PDE1A: variants seen among roughly 807,000 people sequenced by gnomAD.
PDE1A encodes the protein dual specificity calcium/calmodulin-dependent 3',5'-cyclic nucleotide phosphodiesterase 1A.
Under a neutral mutation model 61.7 loss-of-function variants are expected in PDE1A, and 35 were observed. The ratio of observed to expected loss-of-function variants is 0.57; its 90% CI spans 0.43 to 0.75. The LOEUF (loss-of-function observed/expected upper bound fraction) is 0.75. Among genes scored for constraint, PDE1A ranks in the 30% least tolerant of loss-of-function variants. The probability of loss-of-function intolerance (pLI) is 0.00; values close to 1 mark genes in which losing one functional copy is unlikely to be tolerated. For synonymous variants in PDE1A, 232 were observed against 213.2 expected, an observed-to-expected ratio of 1.09 and a Z score of -0.77; for missense variants, 597 against 630.6, an observed-to-expected ratio of 0.95 and a Z score of 0.57.
chr2:182,259,275 C>T (rs557519791), intron 2 of PDE1A, among the ~76,000 whole-genome samples: 138 of 152,280 alleles, frequency 9.1e-4, no homozygotes, highest in African/African-American at 3.2e-3. Context: ...GGGAAAGGCA[C>T]TCTTTTCCAT....
chr2:182,711,636 T>C, the PDE1A span, among the ~76,000 whole-genome samples: 1 of 151,652 alleles, frequency 6.6e-6, no homozygotes, highest in Non-Finnish European at 1.5e-5. Flanking sequence ...CTTAGAGAAA[T>C]GGCTAGTATA....
intron 1 of PDE1A, among the ~76,000 whole-genome samples, chr2:182,414,958 G>A (rs1486526434): frequency 6.6e-6 from 1 of 152,076 alleles, no homozygotes; most frequent in Non-Finnish European, 1.5e-5. Context: ...TGGTCATTTG[G>A]TACAACTGTT....
intron 1 of PDE1A, among the ~76,000 whole-genome samples, chr2:182,330,750 A>T (rs1466711956): frequency 6.6e-6 from 1 of 152,154 alleles, no homozygotes; most frequent in African/African-American, 2.4e-5. Context: ...AGTCCTCAAA[A>T]TATAAAAAGT....
intron 2 of PDE1A, 55 bp from the exon 3 acceptor site, chr2:182,240,347 T>G: frequency 8.7e-7 from 1 of 1,147,082 alleles, no homozygotes; most frequent in Non-Finnish European, 1.2e-6. Context: ...GAAAAACATA[T>G]AACAGAAAAA....
chr2:182,553,034 C>T, the PDE1A span, among the ~76,000 whole-genome samples: 1 of 152,236 alleles, frequency 6.6e-6, no homozygotes, highest in African/African-American at 2.4e-5. Context: ...TAAAGGCTTG[C>T]CATTGTTCCT....
At chr2:182,384,283 A>G (rs914776239) in intron 1 of PDE1A, among the ~76,000 whole-genome samples, 1 of 152,184 alleles carries the variant, frequency 6.6e-6, no homozygotes, top group Non-Finnish European at 1.5e-5. Flanking sequence ...ATCATCAAAC[A>G]GACAAAATGA....
intron 2 of PDE1A, among the ~76,000 whole-genome samples, chr2:182,255,092 C>T (rs1284235303): frequency 6.6e-6 from 1 of 152,084 alleles, no homozygotes; most frequent in Non-Finnish European, 1.5e-5. Flanking sequence ...AATACTGTCA[C>T]CATCTTGCTA....
intron 1 of PDE1A, among the ~76,000 whole-genome samples, chr2:182,375,222 C>A (rs1008108786): frequency 3.3e-5 from 5 of 152,118 alleles, no homozygotes; most frequent in Non-Finnish European, 7.3e-5. Flanking sequence ...CCAGCAGTAC[C>A]CCAAAGTCCT....
At chr2:182,166,644 T>C (rs1691667244), downstream of PDE1A, among the ~76,000 whole-genome samples, 1 of 152,184 alleles carries the variant, frequency 6.6e-6, no homozygotes, top group Non-Finnish European at 1.5e-5. Flanking sequence ...TTTGCCTTTA[T>C]GACTGCATGA....
At chr2:182,250,520 T>C (rs1018541197) in intron 2 of PDE1A, among the ~76,000 whole-genome samples, 3 of 152,318 alleles carry the variant, frequency 2.0e-5, no homozygotes, top group East Asian at 1.9e-4. Context: ...TTCCAAAAAG[T>C]ATTTAAAATG....
chr2:182,624,403 A>C, the PDE1A span, among the ~76,000 whole-genome samples: 5 of 152,206 alleles, frequency 3.3e-5, no homozygotes, highest in Non-Finnish European at 5.9e-5. Context: ...CTCACATACC[A>C]GTGGATTCAG....
At chr2:182,640,086 G>A in the PDE1A span, among the ~76,000 whole-genome samples, 1 of 152,238 alleles carries the variant, frequency 6.6e-6, no homozygotes, top group Middle Eastern at 3.4e-3. Context: ...AATACTAGAG[G>A]ACAGTAAAGC....
In PDE1A at chr2:182,310,845, A is replaced by C. The variant is rs542713139; in HGVS notation, c.54-46431T>G. 7.2e-5 allele frequency among the ~76,000 whole-genome samples: 11 copies of C among 152,306 alleles called. No individual in the cohort carries two copies. In the South Asian group the frequency reaches 2.3e-3, roughly 32 times the overall value. Reference sequence around the variant, plus strand: ...CTATATCTCCCAGTGCTTTTTGCAGATAAACAAGGCCATGTGACCATGTTC... The same window carrying C: ...CTATATCTCCCAGTGCTTTTTGCAGCTAAACAAGGCCATGTGACCATGTTC... On this transcript the variant is annotated intron_variant, in intron 1 of 13. Coordinates refer to ENST00000351439, the Ensembl canonical transcript of PDE1A.
the PDE1A span, among the ~76,000 whole-genome samples, chr2:182,562,902 TC>T: frequency 6.6e-6 from 1 of 152,212 alleles, no homozygotes; most frequent in Non-Finnish European, 1.5e-5. Context: ...AGTGGTGATA[TC>T]CCCTTTATCA....
At chr2:182,516,691 AG>A in intron 2 of PDE1A, among the ~76,000 whole-genome samples, 1 of 92,548 alleles carries the variant, frequency 1.1e-5, no homozygotes, top group African/African-American at 4.8e-5. Context: ...GAAGGAGGGA[AG>A]GGAGGAAGGG....
chr2:182,281,515 A>G (rs1327344342), intron 1 of PDE1A, among the ~76,000 whole-genome samples: 1 of 151,946 alleles, frequency 6.6e-6, no homozygotes, highest in Admixed American at 6.6e-5. Context: ...CCAAACTCCA[A>G]TAATCAACTG....
At position 182,511,728 on chromosome 2, in the gene PDE1A, CCT is replaced by C. The variant is rs554519029; in HGVS notation, c.101+10546_101+10547del. 9.1e-4 allele frequency among the ~76,000 whole-genome samples: 138 copies of C among 152,266 alleles called. 1 individual carries two copies. The highest frequency in any genetic ancestry group is 3.1e-3 in the African/African-American group (128 of 41,548). On this transcript the variant is annotated intron_variant, in intron 2 of 14. Transcript: ENST00000410103. Reference sequence around the variant, plus strand: ...AGAGCCAATCTGATCTGGGAGCCCCCCTGTTTGCCAGCCTCTCCCCAGAGTCC... The same window carrying C: ...AGAGCCAATCTGATCTGGGAGCCCCCGTTTGCCAGCCTCTCCCCAGAGTCC...
chr2:182,407,175 G>A (rs1226539633), intron 1 of PDE1A, among the ~76,000 whole-genome samples: 1 of 152,086 alleles, frequency 6.6e-6, no homozygotes, highest in African/African-American at 2.4e-5. Context: ...ATTAAATGCT[G>A]TTCATGTCTT....
chr2:182,297,108 T>C (rs1390270473), intron 1 of PDE1A, among the ~76,000 whole-genome samples: 1 of 152,212 alleles, frequency 6.6e-6, no homozygotes, highest in Admixed American at 6.5e-5. Flanking sequence ...TTCCTAAATA[T>C]ATCCTCTTGG....
Sources: gnomAD v4.1 joint callset for allele counts (sites outside exome capture counted in the v4.1 genomes callset) on GRCh38, gnomAD v4.1.1 for gene constraint, MANE v1.5 for transcripts, NCBI Gene and HGNC (gene_info 2026-07-23, HGNC 2026-07-21) for gene names.